The following ZNF692 variants were observed in gnomAD, a reference collection of about 807,000 sequenced individuals.
ZNF692 encodes zinc finger protein 692, also known as AICAR responsive element binding protein.
Under a neutral mutation model 49.0 loss-of-function variants are expected in ZNF692, and 41 were observed. The ratio of observed to expected loss-of-function variants is 0.84; its 90% CI spans 0.65 to 1.08. The LOEUF is 1.08. Among genes scored for constraint, ZNF692 ranks in the 50% least tolerant of loss-of-function variants. The probability of loss-of-function intolerance (pLI) is 0.00; values close to 1 mark genes in which losing one functional copy is unlikely to be tolerated. For synonymous variants in ZNF692, 288 were observed against 251.5 expected, an observed-to-expected ratio of 1.15 and a Z score of -1.37; for missense variants, 662 against 662.2, an observed-to-expected ratio of 1.00 and a Z score of 0.00.
intron 3 of ZNF692, 122 bp downstream of exon 3, chr1:248,857,706 C>T: frequency 1.3e-6 from 2 of 1,503,140 alleles, no homozygotes; most frequent in Non-Finnish European, 1.8e-6. Context: ...CTACCCTGTG[C>T]TCCCCAACTC....
rs1660089601 is a variant in ZNF692, at chr1:248,855,265, C to A, written c.1038+115G>T. Reference sequence around the variant, plus strand: ...CAAAAGACTTTATACATGTCAGGTACCCTCTGCTTCCTGGTTCTGAATCCT... The same window carrying A: ...CAAAAGACTTTATACATGTCAGGTAACCTCTGCTTCCTGGTTCTGAATCCT... On this transcript the variant is annotated intron_variant, in intron 9 of 11. Coordinates refer to ENST00000306601, the MANE Select transcript of ZNF692 (RefSeq NM_017865.4). 3.2e-6 allele frequency: 3 copies of A among 950,490 alleles called. No individual in the cohort carries two copies. The African/African-American group carries it at 4.9e-5, about 16-fold the overall frequency. The allele number at this position is 950,490 out of a possible 1,614,324, so 58.9% of individuals were successfully genotyped here.
Position 248,855,922 on chromosome 1 carries a change from T to C in ZNF692, c.684A>G (p.Leu228=). Residue 228 remains leucine, a synonymous_variant, in exon 7 of 12, where the codon CTA becomes CTG. Transcript: ENST00000306601. Reference sequence around the variant, plus strand: ...GTGTGCAGGTGACAGGGGAAGGCAGTAGTCTGGGGGCATCAGGCTCACTAC... The same window carrying C: ...GTGTGCAGGTGACAGGGGAAGGCAGCAGTCTGGGGGCATCAGGCTCACTAC... ...PDDSEPDAPR[L]LPSPVTCTPK... The C allele has an allele frequency of 6.2e-7, 1 of 1,614,006 alleles. No individual in the cohort carries two copies. The highest frequency in any genetic ancestry group is 1.3e-5 in the African/African-American group (1 of 75,012).
Position 248,858,200 on chromosome 1 carries a change from T to C in ZNF692, c.110A>G (p.Gln37Arg), listed in dbSNP as rs1390321782. Residue 37 changes from glutamine to arginine, a missense_variant, in exon 2 of 12, where the codon CAG (glutamine) becomes CGG (arginine). Gln to Arg is a conservative substitution (Grantham distance 43, BLOSUM62 1). Transcript: ENST00000306601. This position sits in a 1 kb window ranked among gnomAD's most constrained non-coding sequence, Gnocchi z 4.3. Reference sequence around the variant, plus strand: ...CAGCCGCTCCTTGAGGAGGCACCACTGCTCCATGTGGCCGCCCAGGCGGAT... The same window carrying C: ...CAGCCGCTCCTTGAGGAGGCACCACCGCTCCATGTGGCCGCCCAGGCGGAT... ...CRIRLGGHME[Q>R]WCLLKERLGF... The C allele has an allele frequency of 9.4e-6, 15 of 1,592,252 alleles. No individual in the cohort carries two copies. The highest frequency in any genetic ancestry group is 1.1e-5 in the Non-Finnish European group (13 of 1,171,252).
At chr1:248,855,027 G>A (rs187774931) in intron 9 of ZNF692, among the ~76,000 whole-genome samples, 1 of 152,070 alleles carries the variant, frequency 6.6e-6, no homozygotes, top group Non-Finnish European at 1.5e-5. Context: ...ATGAGATTGG[G>A]GACAGGACCA....
At chr1:248,854,231 C>T in intron 9 of ZNF692, 180 bp from the exon 10 acceptor site, 1 of 581,368 alleles carries the variant, frequency 1.7e-6, no homozygotes, top group Non-Finnish European at 3.1e-6. Context: ...TCACCTACAC[C>T]ATGAGTACCA....
At chr1:248,851,441 A>G (rs773187243) in intron 10 of ZNF692, among the ~76,000 whole-genome samples, 6 of 151,858 alleles carry the variant, frequency 4.0e-5, no homozygotes, top group Non-Finnish European at 5.9e-5. Context: ...GGTTTCTCTA[A>G]CCCACCAAAC....
At chr1:248,853,875 T>C (rs1282154050) in intron 10 of ZNF692, 62 bp downstream of exon 10, 1 of 1,339,134 alleles carries the variant, frequency 7.5e-7, no homozygotes, top group Non-Finnish European at 1.1e-6. Context: ...GAGCCCAGGG[T>C]GACGGGACCC....
Position 248,850,017 on chromosome 1 carries a change from T to C in ZNF692, c.*193A>G. 1 of 539,158 alleles carries C rather than the reference T, an allele frequency of 1.9e-6. No individual in the cohort carries two copies. The highest frequency in any genetic ancestry group is 3.1e-6 in the Non-Finnish European group (1 of 320,146). The allele number at this position is 539,158 out of a possible 1,614,324, so 33.4% of individuals were successfully genotyped here. ...TCTGCCCACACATGCCTGCATAAAA[T>C]ACTGTTTATTTTGTCCTTTAGGAAG... On this transcript the variant is annotated 3_prime_UTR_variant, in exon 12 of 12. Coordinates refer to ENST00000306601, the MANE Select transcript of ZNF692 (RefSeq NM_017865.4).
At chr1:248,856,107 G>T in intron 6 of ZNF692, 161 bp from the exon 7 acceptor site, 1 of 1,207,542 alleles carries the variant, frequency 8.3e-7, no homozygotes, top group Non-Finnish European at 1.1e-6. Context: ...CAATCTCCCT[G>T]CACCTGACTT....
chr1:248,854,102 C>T (rs1441703365), intron 9 of ZNF692, 51 bp from the exon 10 acceptor site: 1 of 1,406,782 alleles, frequency 7.1e-7, no homozygotes. Flanking sequence ...GGATAGCCAC[C>T]TTCCACGGAG....
At position 248,850,699 on chromosome 1, in the gene ZNF692, A is replaced by G; in HGVS notation, c.1236T>C (p.Thr412=). The G allele has an allele frequency of 3.1e-6, 5 of 1,613,974 alleles. No individual in the cohort carries two copies. The highest frequency in any genetic ancestry group is 2.5e-6 in the Non-Finnish European group (3 of 1,179,962). Residue 412 remains threonine, a synonymous_variant, in exon 11 of 12, where the codon ACT becomes ACC. Transcript: ENST00000306601. ...SNLVIHRRIH[T]GEKPLQCEIC... is the part of the protein sequence containing the mutation. Reference sequence around the variant, plus strand: ...GCACTCACTGCAGGGGTTTTTCTCCAGTGTGGATACGTCTGTGGATGACAA... The same window carrying G: ...GCACTCACTGCAGGGGTTTTTCTCCGGTGTGGATACGTCTGTGGATGACAA...
In ZNF692 at chr1:248,858,545, C is replaced by G; in HGVS notation, c.-12-224G>C. ...TGTCGTCGGGTGGGAGGCAGGCAGA[C>G]AGAAGCAGTCAGAACAAAGGCCTGC... On this transcript the variant is annotated intron_variant, in intron 1 of 11. Transcript: ENST00000306601. This position sits in a 1 kb window ranked among gnomAD's most constrained non-coding sequence, Gnocchi z 4.3. 2.6e-6 allele frequency: 4 copies of G among 1,551,720 alleles called. No individual in the cohort carries two copies. The highest frequency in any genetic ancestry group is 3.5e-6 in the Non-Finnish European group (4 of 1,146,994).
chr1:248,858,712 G>T lies in ZNF692; in HGVS notation c.-13+206C>A. On this transcript the variant is annotated intron_variant, in intron 1 of 11. Transcript: ENST00000306601. This position sits in a 1 kb window ranked among gnomAD's most constrained non-coding sequence, Gnocchi z 4.3. ...CTGGTTTCTAGGGGAAGGAAAGGTC[G>T]TGTCCTGGCGTGCAGCTGGGGGCGC... 1 of 718,994 alleles carries T rather than the reference G, an allele frequency of 1.4e-6. No homozygotes were observed. 44.5% of individuals were successfully genotyped at this position (718,994 alleles called of 1,614,324 possible). A position where few individuals can be genotyped will look rare whatever the true frequency, so the allele number is the denominator to read the frequency against.
Position 248,856,539 on chromosome 1 carries a change from TC to T in ZNF692, c.498del (p.Arg167GlyfsTer97). On this transcript the variant is annotated frameshift_variant, in exon 5 of 12. Transcript: ENST00000306601. LOFTEE classifies it high-confidence loss of function. ...ELADLESEHD[E>X]RTQEARLPRR... ...CTGGGCAACCTGGCCTCTTGAGTCC[TC>T]TCATCATGCTCAGATTCCAAATCTG... 6.2e-7 allele frequency: 1 copy of T among 1,614,140 alleles called. No individual in the cohort carries two copies. Among genetic ancestry groups the T allele is most frequent in the African/African-American group, 1.3e-5 (1 of 75,038 alleles).
intron 11 of ZNF692, 78 bp downstream of exon 11, chr1:248,850,604 G>A: frequency 6.2e-7 from 1 of 1,601,206 alleles, no homozygotes; most frequent in East Asian, 2.2e-5. Context: ...CACTGCCTAG[G>A]TGTCCTATAT....
chr1:248,857,698 A>G, intron 3 of ZNF692, 130 bp downstream of exon 3: 1 of 1,493,494 alleles, frequency 6.7e-7, no homozygotes, highest in Non-Finnish European at 8.9e-7. Flanking sequence ...CCATCAAACT[A>G]CCCTGTGCTC....
chr1:248,851,175 T>A (rs555233626), intron 10 of ZNF692, among the ~76,000 whole-genome samples: 1 of 152,022 alleles, frequency 6.6e-6, no homozygotes, highest in South Asian at 2.1e-4. Flanking sequence ...AAGCAGAACC[T>A]TGGAGTCAGC....
At chr1:248,855,093 C>T (rs952805762) in intron 9 of ZNF692, among the ~76,000 whole-genome samples, 1 of 152,198 alleles carries the variant, frequency 6.6e-6, no homozygotes, top group African/African-American at 2.4e-5. Context: ...ATGTGGCAGC[C>T]CAGGCATGGA....
At chr1:248,852,787 A>ACT (rs1659747058) in intron 10 of ZNF692, among the ~76,000 whole-genome samples, 2 of 150,658 alleles carry the variant, frequency 1.3e-5, no homozygotes, top group African/African-American at 4.9e-5. Context: ...CTCAAATACC[A>ACT]CTCTCTTCAT....
Sources: gnomAD v4.1 joint callset for allele counts (sites outside exome capture counted in the v4.1 genomes callset) on GRCh38, gnomAD v4.1.1 for gene constraint, Gnocchi (gnomAD v3.1) non-coding constraint, MANE v1.5 for transcripts, NCBI Gene and HGNC (gene_info 2026-07-23, HGNC 2026-07-21) for gene names.